The following NUP58 variants were observed in gnomAD, a reference collection of about 807,000 sequenced individuals.
The protein encoded by NUP58 is nucleoporin 58.
In NUP58, 17 loss-of-function variants were observed where a neutral mutation model predicts 70.1. The observed-to-expected ratio is 0.24, with a 90% CI of 0.17 to 0.36. The LOEUF is 0.36. NUP58 is among the 10% of genes least tolerant of loss of function. The probability of loss-of-function intolerance (pLI) is 1.00; values close to 1 mark genes in which losing one functional copy is unlikely to be tolerated. For synonymous variants in NUP58, 275 were observed against 257.6 expected (o/e 1.07, Z -0.65); for missense variants, 644 against 701.5 (o/e 0.92, Z 0.93).
At chr13:25,308,469 ATTT>A (rs35470592) in intron 2 of NUP58, among the ~76,000 whole-genome samples, 15 of 137,800 alleles carry the variant, frequency 1.1e-4, no homozygotes, top group Non-Finnish European at 9.5e-5. Context: ...CGCCTGGCTA[ATTT>A]TTTTTTTTTT....
intron 11 of NUP58, 60 bp from the exon 12 acceptor site, chr13:25,327,370 A>G: frequency 4.4e-6 from 5 of 1,131,028 alleles, no homozygotes; most frequent in Non-Finnish European, 6.4e-6. Flanking sequence ...ATAGAAAAAT[A>G]AAATGGATTG....
chr13:25,318,296 C>T (rs781527161), intron 6 of NUP58, among the ~76,000 whole-genome samples: 10 of 152,188 alleles, frequency 6.6e-5, no homozygotes, highest in Non-Finnish European at 1.0e-4. Flanking sequence ...CCACTGCACT[C>T]CAGCCTGGGC....
chr13:25,325,114 A>G (rs765493573), intron 10 of NUP58, 46 bp downstream of exon 10: 4 of 1,331,320 alleles, frequency 3.0e-6, no homozygotes, highest in Non-Finnish European at 3.2e-6. Context: ...ACTTTCAGAA[A>G]GCAGAACAGT....
intron 5 of NUP58, among the ~76,000 whole-genome samples, chr13:25,314,742 A>G (rs2030845824): frequency 6.6e-6 from 1 of 152,146 alleles, no homozygotes; most frequent in Non-Finnish European, 1.5e-5. Context: ...TATCAACACA[A>G]GATGCTTGAA....
intron 10 of NUP58, among the ~76,000 whole-genome samples, chr13:25,326,648 C>G (rs1166219051): frequency 6.6e-6 from 1 of 152,058 alleles, no homozygotes; most frequent in African/African-American, 2.4e-5. Context: ...AAAATTGTTA[C>G]AATATTATTA....
intron 4 of NUP58, 136 bp downstream of exon 4, chr13:25,313,168 G>A: frequency 4.9e-6 from 5 of 1,025,716 alleles, no homozygotes; most frequent in Non-Finnish European, 6.9e-6. Flanking sequence ...ATTGAAGCAG[G>A]AGAGGCTGTC....
Position 25,340,182 on chromosome 13 carries a change from A to G in NUP58, c.*48A>G, listed in dbSNP as rs775552611. 2 of 1,443,802 alleles carry G rather than the reference A, an allele frequency of 1.4e-6. No individual in the cohort carries two copies. Among genetic ancestry groups the G allele is most frequent in the South Asian group, 1.5e-5 (1 of 65,652 alleles). 89.4% of individuals were successfully genotyped at this position (1,443,802 alleles called of 1,614,324 possible). Reference sequence around the variant, plus strand: ...AATCCATAGCAGCACCGTTCATTCTATGAGTCTATTTTTCTAATGATGCAG... The same window carrying G: ...AATCCATAGCAGCACCGTTCATTCTGTGAGTCTATTTTTCTAATGATGCAG... On this transcript the variant is annotated 3_prime_UTR_variant, in exon 16 of 16. Coordinates refer to ENST00000381736, the MANE Select transcript of NUP58 (RefSeq NM_014089.4).
intron 13 of NUP58, chr13:25,335,703 G>A (rs1281755531): frequency 3.0e-6 from 3 of 983,894 alleles, no homozygotes; most frequent in African/African-American, 3.5e-5. Context: ...GTAGTTCCTC[G>A]GTTGTTTTTC....
chr13:25,344,692 G>A (rs2032028458), downstream of NUP58, among the ~76,000 whole-genome samples: 1 of 152,140 alleles, frequency 6.6e-6, no homozygotes, highest in Non-Finnish European at 1.5e-5. Context: ...CATGATACAT[G>A]CATCTGTTGG....
chr13:25,313,736 A>C lies in NUP58; in HGVS notation c.559A>C (p.Asn187His), dbSNP rs2030793417. 1 of 1,527,148 alleles carries C rather than the reference A, an allele frequency of 6.5e-7. No homozygotes were observed. Among genetic ancestry groups the C allele is most frequent in the Non-Finnish European group, 8.7e-7 (1 of 1,150,414 alleles). The allele number at this position is 1,527,148 out of a possible 1,614,324, so 94.6% of individuals were successfully genotyped here. Residue 187 changes from asparagine (N) to histidine (H), a missense_variant, in exon 5 of 16, where the codon AAC (asparagine) becomes CAC (histidine). Coordinates refer to ENST00000381736, the MANE Select transcript of NUP58 (RefSeq NM_014089.4). ...GLGGSLFQST[N>H]TGTSGLGQNA... ...GGGAGGTTCACTTTTCCAGAGTACA[A>C]ACACAGGAACATCAGGTAATTGATG...
At chr13:25,318,767 A>AGG (rs1432719169) in intron 6 of NUP58, among the ~76,000 whole-genome samples, 3 of 152,214 alleles carry the variant, frequency 2.0e-5, no homozygotes, top group African/African-American at 7.2e-5. Flanking sequence ...GGGTGTGATA[A>AGG]GGTATTCATG....
intron 6 of NUP58, chr13:25,317,673 A>G (rs182091075): frequency 3.3e-5 from 5 of 152,246 alleles, no homozygotes; most frequent in African/African-American, 1.2e-4. Flanking sequence ...TTTTATTTCC[A>G]TGTCTCATAA....
intron 6 of NUP58, among the ~76,000 whole-genome samples, chr13:25,315,904 T>A (rs2030909817): frequency 6.6e-6 from 1 of 152,186 alleles, no homozygotes; most frequent in Non-Finnish European, 1.5e-5. Context: ...CTGGCTCAAC[T>A]GCTTATAAGC....
chr13:25,319,401 A>G, intron 7 of NUP58, 51 bp downstream of exon 7: 8 of 1,515,920 alleles, frequency 5.3e-6, no homozygotes, highest in Non-Finnish European at 7.3e-6. Flanking sequence ...AGTTTAACTT[A>G]TTAAATTGTA....
intron 10 of NUP58, among the ~76,000 whole-genome samples, chr13:25,326,677 C>T (rs2031407575): frequency 1.3e-5 from 2 of 152,062 alleles, no homozygotes; most frequent in African/African-American, 2.4e-5. Flanking sequence ...ACTAAACTTA[C>T]TGAAATTCAA....
chr13:25,309,974 G>A, intron 3 of NUP58: 1 of 391,388 alleles, frequency 2.6e-6, no homozygotes, highest in Non-Finnish European at 5.2e-6. Flanking sequence ...CAACACATCT[G>A]TTTATCAGCA....
chr13:25,320,745 G>T, intron 8 of NUP58, 150 bp downstream of exon 8: 1 of 766,042 alleles, frequency 1.3e-6, no homozygotes, highest in Non-Finnish European at 2.0e-6. Context: ...CAGAAAAAAA[G>T]CAGAACAACA....
intron 13 of NUP58, chr13:25,335,974 T>TA: frequency 1.7e-5 from 19 of 1,109,416 alleles, no homozygotes; most frequent in Admixed American, 1.0e-4. Context: ...CTGCTTAGTT[T>TA]TAAAAAAAAA....
chr13:25,312,312 G>A (rs2030708208), intron 3 of NUP58, among the ~76,000 whole-genome samples: 1 of 152,104 alleles, frequency 6.6e-6, no homozygotes, highest in African/African-American at 2.4e-5. Flanking sequence ...CTGCATTAGA[G>A]GTAAATCTAG....
Sources: allele counts gnomAD v4.1 joint callset (sites outside exome capture counted in the v4.1 genomes callset), GRCh38; gene constraint gnomAD v4.1.1; transcripts MANE v1.5; gene names NCBI Gene and HGNC (gene_info 2026-07-23, HGNC 2026-07-21).